Variants in DACH2 observed in about 807,000 individuals in gnomAD.
DACH2 encodes dachshund homolog 2.
Under a neutral mutation model 35.8 loss-of-function variants are expected in DACH2, and 17 were observed. The ratio of observed to expected loss-of-function variants is 0.48; its 90% CI spans 0.33 to 0.71. The LOEUF (loss-of-function observed/expected upper bound fraction) is 0.71, where lower values mean the gene tolerates loss of function less well. Ranked by LOEUF, DACH2 falls within the 30% of genes least tolerant of loss-of-function variation. The pLI, the probability that DACH2 is intolerant of heterozygous loss-of-function variation, is 0.02. For synonymous variants in DACH2, 195 were observed against 177.3 expected (o/e 1.10, Z -0.79); for missense variants, 469 against 472.7 (o/e 0.99, Z 0.07).
At chrX:86,342,387 G>T in intron 1 of DACH2, among the ~76,000 whole-genome samples, 1 of 111,072 alleles carries the variant, frequency 9.0e-6, no homozygotes, top group East Asian at 2.9e-4. Flanking sequence ...TATAGTCCCA[G>T]ATACCCAGGA....
At chrX:86,370,990 G>T (rs2035878969) in intron 1 of DACH2, among the ~76,000 whole-genome samples, 1 of 111,066 alleles carries the variant, frequency 9.0e-6, no homozygotes, top group Admixed American at 9.7e-5. Flanking sequence ...AAAGATATTT[G>T]ATGCTGTGAA....
intron 7 of DACH2, among the ~76,000 whole-genome samples, chrX:86,795,155 G>A (rs2042222311): frequency 9.1e-6 from 1 of 110,480 alleles, no homozygotes; most frequent in South Asian, 3.9e-4. Flanking sequence ...CTTCCCTAGT[G>A]ACCAAATAGA....
intron 3 of DACH2, among the ~76,000 whole-genome samples, chrX:86,639,156 G>A (rs913796828): frequency 1.3e-4 from 15 of 111,581 alleles, no homozygotes; most frequent in Non-Finnish European, 5.6e-5. Flanking sequence ...ATCTTCAACT[G>A]TAACATCCAG....
At chrX:86,540,968 A>C (rs1472145202) in intron 3 of DACH2, among the ~76,000 whole-genome samples, 1 of 111,915 alleles carries the variant, frequency 8.9e-6, no homozygotes, top group Non-Finnish European at 1.9e-5. Context: ...CTCTCACTTT[A>C]TAGTTCTTAT....
At chrX:86,333,224 AT>A (rs1280723979) in intron 1 of DACH2, among the ~76,000 whole-genome samples, 1 of 112,089 alleles carries the variant, frequency 8.9e-6, no homozygotes, top group Non-Finnish European at 1.9e-5. Context: ...CATTAAATCT[AT>A]TTTTTGAAAC....
At chrX:86,826,736 C>G (rs2042565962) in intron 11 of DACH2, among the ~76,000 whole-genome samples, 1 of 111,830 alleles carries the variant, frequency 8.9e-6, no homozygotes. Flanking sequence ...ACAATTAATT[C>G]TACATTTAAT....
Position 86,658,654 on chromosome X carries a change from A to T in DACH2, c.772+7487A>T, listed in dbSNP as rs181541358. 1.5e-3 allele frequency among the ~76,000 whole-genome samples: 165 copies of T among 111,787 alleles called. 1 individual carries two copies. The highest frequency in any genetic ancestry group is 3.8e-3 in the African/African-American group (116 of 30,900). ...CTATTTCTCATGGAGCTTTATAATC[A>T]ATCACTAAAGGTTATGGCTGTAGAG... is the stretch of plus-strand genomic sequence containing the variant. On this transcript the variant is annotated intron_variant, in intron 4 of 11. Transcript: ENST00000373125.
At chrX:86,623,907 G>A (rs1454417864) in intron 3 of DACH2, among the ~76,000 whole-genome samples, 2 of 101,621 alleles carry the variant, frequency 2.0e-5, no homozygotes, top group Non-Finnish European at 4.0e-5. Flanking sequence ...AATTAGCCGG[G>A]CATGGTGGCG....
In DACH2 at chrX:86,707,912, TAA is replaced by T. The variant is rs56293403; in HGVS notation, c.932-6619_932-6618del. The stretch of plus-strand genomic sequence containing the variant: ...CCTGGTGACAGAGTAAGACTCCATC[TAA>T]AAAAAAAAAAAAAAAATTACACACC... On this transcript the variant is annotated intron_variant, in intron 5 of 11. Transcript: ENST00000373125. 2.9e-4 allele frequency among the ~76,000 whole-genome samples: 10 copies of T among 34,554 alleles called. 1 individual carries two copies. In the East Asian group the frequency reaches 3.6e-3, roughly 12 times the overall value. The allele number at this position is 34,554 out of a possible 115,157, so 30.0% of individuals were successfully genotyped here.
chrX:86,778,526 A>T (rs2042057811), intron 7 of DACH2, among the ~76,000 whole-genome samples: 1 of 112,255 alleles, frequency 8.9e-6, no homozygotes, highest in African/African-American at 3.2e-5. Flanking sequence ...TCACAGCCCA[A>T]TATATGAATT....
chrX:86,476,266 T>C (rs769012370), intron 2 of DACH2, among the ~76,000 whole-genome samples: 2 of 111,994 alleles, frequency 1.8e-5, no homozygotes, highest in East Asian at 5.6e-4. Flanking sequence ...GTTTGTTGAA[T>C]GTTTGGTAGA....
intron 1 of DACH2, among the ~76,000 whole-genome samples, chrX:86,164,243 G>A (rs1050610637): frequency 1.8e-5 from 2 of 111,495 alleles, no homozygotes; most frequent in African/African-American, 3.3e-5. Context: ...CTTTTGAAAA[G>A]TGTCTGTTCA....
chrX:86,465,316 T>C (rs1045774996), intron 2 of DACH2, among the ~76,000 whole-genome samples: 7 of 112,148 alleles, frequency 6.2e-5, no homozygotes, highest in Non-Finnish European at 1.1e-4. Flanking sequence ...TATTTGCATG[T>C]TTCCAGCAGC....
chrX:86,552,113 TG>T (rs1199951212), intron 3 of DACH2, among the ~76,000 whole-genome samples: 1 of 111,844 alleles, frequency 8.9e-6, no homozygotes, highest in African/African-American at 3.2e-5. Context: ...ATGAGTGTCT[TG>T]GGGTTTCACA....
At chrX:86,700,677 C>T (rs1023584766) in intron 5 of DACH2, among the ~76,000 whole-genome samples, 1 of 44,835 alleles carries the variant, frequency 2.2e-5, no homozygotes, top group African/African-American at 1.3e-4. Flanking sequence ...TTACCACTAA[C>T]CCACAGAAAT....
At chrX:86,201,941 T>C (rs957080779) in intron 1 of DACH2, among the ~76,000 whole-genome samples, 1 of 111,328 alleles carries the variant, frequency 9.0e-6, no homozygotes, top group African/African-American at 3.3e-5. Flanking sequence ...CCTATTTATA[T>C]ATAAAAGGGG....
At chrX:86,610,368 T>C (rs1315751854) in intron 3 of DACH2, among the ~76,000 whole-genome samples, 1 of 33,658 alleles carries the variant, frequency 3.0e-5, no homozygotes, top group Non-Finnish European at 6.1e-5. Context: ...CCTTCCTCTT[T>C]CTTTCTTTCT....
intron 1 of DACH2, among the ~76,000 whole-genome samples, chrX:86,221,584 T>C (rs965248782): frequency 3.6e-5 from 4 of 112,219 alleles, no homozygotes; most frequent in African/African-American, 1.3e-4. Flanking sequence ...GAATTTTTTA[T>C]CTCTATAAAA....
At chrX:86,305,359 A>G (rs999629130) in intron 1 of DACH2, among the ~76,000 whole-genome samples, 2 of 111,541 alleles carry the variant, frequency 1.8e-5, no homozygotes, top group Non-Finnish European at 3.8e-5. Context: ...TATATATTAC[A>G]CTGTTTTTTG....
Sources: gnomAD v4.1 joint callset for allele counts (sites outside exome capture counted in the v4.1 genomes callset) on GRCh38, gnomAD v4.1.1 for gene constraint, MANE v1.5 for transcripts, NCBI Gene and HGNC (gene_info 2026-07-23, HGNC 2026-07-21) for gene names.